The following OVCH1 variants were observed in gnomAD, a reference collection of about 807,000 sequenced individuals.
OVCH1 encodes the protein ovochymase-1.
Under a neutral mutation model 138.4 loss-of-function variants are expected in OVCH1, and 139 were observed. The ratio of observed to expected loss-of-function variants is 1.00; its 90% CI spans 0.87 to 1.16. The LOEUF (loss-of-function observed/expected upper bound fraction) is 1.16, where lower values mean the gene tolerates loss of function less well. OVCH1 is among the 50% of genes most tolerant of loss of function. The probability of loss-of-function intolerance (pLI) is 0.00; values close to 1 mark genes in which losing one functional copy is unlikely to be tolerated. For missense variants in OVCH1, 1,367 were observed against 1,357.9 expected (o/e 1.01, Z -0.11); for synonymous variants, 453 against 467.8 (o/e 0.97, Z 0.41).
chr12:29,410,793 A>G, downstream of OVCH1, among the ~76,000 whole-genome samples: 1 of 150,928 alleles, frequency 6.6e-6, no homozygotes, highest in African/African-American at 2.4e-5. Flanking sequence ...TGTTTCTTGG[A>G]GTTGCTCTTC....
At chr12:29,405,021 C>CAAAAAAAAAAAA in the OVCH1 span, among the ~76,000 whole-genome samples, 14 of 80,440 alleles carry the variant, frequency 1.7e-4, no homozygotes, top group East Asian at 9.0e-4. Flanking sequence ...CACTCCACCT[C>CAAAAAAAAAAAA]AAAAAAAAAA....
chr12:29,450,015 C>T (rs954851723), intron 22 of OVCH1, among the ~76,000 whole-genome samples: 23 of 152,116 alleles, frequency 1.5e-4, no homozygotes, highest in South Asian at 6.2e-4. Context: ...CAAAAATTAA[C>T]GCAAGATGGA....
chr12:29,463,358 G>A (rs1163025590), intron 18 of OVCH1, among the ~76,000 whole-genome samples: 1 of 152,190 alleles, frequency 6.6e-6, no homozygotes, highest in Admixed American at 6.6e-5. Context: ...TGACAAGATT[G>A]TAATAAGAGT....
intron 8 of OVCH1, among the ~76,000 whole-genome samples, chr12:29,480,812 G>A (rs1397269071): frequency 6.6e-6 from 1 of 152,074 alleles, no homozygotes; most frequent in Non-Finnish European, 1.5e-5. Flanking sequence ...TTCCTAGTTA[G>A]CTCCAGTTGG....
intron 26 of OVCH1, among the ~76,000 whole-genome samples, chr12:29,436,098 G>T (rs963033584): frequency 6.6e-6 from 1 of 151,792 alleles, no homozygotes; most frequent in African/African-American, 2.4e-5. Context: ...AAAATTATGT[G>T]ACAATATTTT....
chr12:29,488,959 A>G (rs1341910936), intron 6 of OVCH1, among the ~76,000 whole-genome samples: 2 of 151,634 alleles, frequency 1.3e-5, no homozygotes, highest in African/African-American at 4.8e-5. Flanking sequence ...AATCCTTCCA[A>G]CAGATAATTT....
downstream of OVCH1, chr12:29,427,529 G>T (rs1367651033): frequency 7.1e-6 from 11 of 1,548,934 alleles, no homozygotes; most frequent in Non-Finnish European, 8.7e-6. Context: ...TTGGTTAGAG[G>T]CCTCTTCCTC....
At chr12:29,470,067 C>T (rs1035044824) in intron 16 of OVCH1, among the ~76,000 whole-genome samples, 1 of 152,064 alleles carries the variant, frequency 6.6e-6, no homozygotes, top group Admixed American at 6.6e-5. Flanking sequence ...TGAAGTAAGA[C>T]ACAAGAATAT....
intron 16 of OVCH1, among the ~76,000 whole-genome samples, chr12:29,470,848 G>A (rs770425738): frequency 2.8e-4 from 42 of 152,084 alleles, no homozygotes; most frequent in African/African-American, 7.7e-4. Flanking sequence ...GTGTAAAAGC[G>A]TTCCTATTTC....
At chr12:29,447,780 CA>C (rs1258680706) in intron 22 of OVCH1, among the ~76,000 whole-genome samples, 4 of 152,044 alleles carry the variant, frequency 2.6e-5, no homozygotes, top group Non-Finnish European at 2.9e-5. Context: ...ATGTAATAGA[CA>C]ATGACTGTGG....
chr12:29,451,594 C>T, intron 21 of OVCH1, 25 bp from the exon 22 acceptor site: 1 of 1,556,134 alleles, frequency 6.4e-7, no homozygotes, highest in Non-Finnish European at 8.8e-7. Flanking sequence ...ACACAGACAC[C>T]AGGGACCAAC....
chr12:29,438,849 T>A (rs76804638), intron 26 of OVCH1, among the ~76,000 whole-genome samples: 6,594 of 152,288 alleles, frequency 0.043, 447 homozygotes, highest in African/African-American at 0.14. Context: ...TCAATTTTCC[T>A]TGTGTTCTTG....
At chr12:29,432,321 AT>A (rs1476450577) in intron 27 of OVCH1, among the ~76,000 whole-genome samples, 1 of 152,222 alleles carries the variant, frequency 6.6e-6, no homozygotes, top group Non-Finnish European at 1.5e-5. Context: ...CCAAAATATT[AT>A]GGTGGAATTG....
chr12:29,481,975 C>G (rs1942948931), intron 8 of OVCH1, among the ~76,000 whole-genome samples: 1 of 152,244 alleles, frequency 6.6e-6, no homozygotes, highest in African/African-American at 2.4e-5. Flanking sequence ...ATGACTGCAT[C>G]ATCTTTTACC....
chr12:29,445,616 C>T (rs1941593306), intron 22 of OVCH1, among the ~76,000 whole-genome samples: 1 of 152,018 alleles, frequency 6.6e-6, no homozygotes, highest in Admixed American at 6.6e-5. Flanking sequence ...TCCATGTATC[C>T]AATATCCATC....
chr12:29,496,080 A>G, intron 3 of OVCH1, 101 bp downstream of exon 3: 1 of 1,096,872 alleles, frequency 9.1e-7, no homozygotes, highest in Non-Finnish European at 1.3e-6. Context: ...AGGCAAAAGT[A>G]AGAAAGGGAC....
intron 15 of OVCH1, 83 bp from the exon 16 acceptor site, chr12:29,472,065 T>G: frequency 7.6e-7 from 1 of 1,313,824 alleles, no homozygotes; most frequent in Non-Finnish European, 1.0e-6. Context: ...TAGTTAACAG[T>G]AGTGATTCTC....
intron 12 of OVCH1, among the ~76,000 whole-genome samples, chr12:29,476,854 C>T (rs1263517689): frequency 6.6e-6 from 1 of 151,502 alleles, no homozygotes; most frequent in Non-Finnish European, 1.5e-5. Context: ...AGTAAGTTAT[C>T]AGTGTTTGCC....
At chr12:29,410,137 C>T (rs1940935355), downstream of OVCH1, among the ~76,000 whole-genome samples, 1 of 149,392 alleles carries the variant, frequency 6.7e-6, no homozygotes, top group Non-Finnish European at 1.5e-5. Context: ...CAACCCCTGC[C>T]TTTTTTTGTT....
Sources: allele counts gnomAD v4.1 joint callset (sites outside exome capture counted in the v4.1 genomes callset), GRCh38; gene constraint gnomAD v4.1.1; transcripts MANE v1.5; gene names NCBI Gene and HGNC (gene_info 2026-07-23, HGNC 2026-07-21).